RBFOX1: variants seen among roughly 807,000 people sequenced by gnomAD.
The protein encoded by RBFOX1 is RNA binding fox-1 homolog 1, also known as RNA binding protein fox-1 homolog 1.
In RBFOX1, 8 loss-of-function variants were observed where a neutral mutation model predicts 57.7. The observed-to-expected ratio is 0.14, with a 90% CI of 0.08 to 0.25. The LOEUF (loss-of-function observed/expected upper bound fraction) is 0.25, where lower values mean the gene tolerates loss of function less well. Ranked by LOEUF, RBFOX1 falls within the 10% of genes least tolerant of loss-of-function variation. The probability of loss-of-function intolerance (pLI) is 1.00; values close to 1 mark genes in which losing one functional copy is unlikely to be tolerated. For synonymous variants in RBFOX1, 326 were observed against 222.4 expected (o/e 1.47, Z -4.15); for missense variants, 611 against 548.5 (o/e 1.11, Z -1.14).
intron 2 of RBFOX1, among the ~76,000 whole-genome samples, chr16:6,626,684 C>T (rs769087816): frequency 9.2e-5 from 14 of 151,902 alleles, no homozygotes; most frequent in Non-Finnish European, 1.3e-4. Flanking sequence ...TGCTTGAACC[C>T]GGGAGACAGA....
intron 2 of RBFOX1, among the ~76,000 whole-genome samples, chr16:6,510,572 T>A (rs1299479329): frequency 6.6e-6 from 1 of 152,180 alleles, no homozygotes; most frequent in Non-Finnish European, 1.5e-5. Flanking sequence ...TTGGATTCCA[T>A]GTGATGGAGA....
chr16:6,599,284 C>A (rs1459745826), intron 2 of RBFOX1, among the ~76,000 whole-genome samples: 1 of 152,092 alleles, frequency 6.6e-6, no homozygotes, highest in African/African-American at 2.4e-5. Context: ...TAAAGCAAAA[C>A]CACATCTCTG....
chr16:7,597,518 G>A (rs2152958840), intron 9 of RBFOX1, 87 bp downstream of exon 9: 4 of 1,220,178 alleles, frequency 3.3e-6, no homozygotes, highest in South Asian at 1.4e-5. Context: ...ACAACAAGCT[G>A]TGTTTGCCTG....
intron 3 of RBFOX1, among the ~76,000 whole-genome samples, chr16:5,660,377 T>G (rs2049605800): frequency 6.6e-6 from 1 of 152,176 alleles, no homozygotes; most frequent in South Asian, 2.1e-4. Flanking sequence ...CCGGTGACTA[T>G]GAAGGGGTCT....
At chr16:7,272,435 C>G (rs2095341888) in intron 4 of RBFOX1, among the ~76,000 whole-genome samples, 1 of 152,186 alleles carries the variant, frequency 6.6e-6, no homozygotes, top group Admixed American at 6.5e-5. Flanking sequence ...CCACCTGCCT[C>G]AGTATCCCAA....
intron 4 of RBFOX1, among the ~76,000 whole-genome samples, chr16:7,272,773 T>G (rs1018765428): frequency 6.6e-6 from 1 of 152,126 alleles, no homozygotes; most frequent in African/African-American, 2.4e-5. Flanking sequence ...AGCATTCTCT[T>G]GCTTTGTATT....
At chr16:7,153,620 G>A (rs1309728397) in intron 4 of RBFOX1, among the ~76,000 whole-genome samples, 1 of 151,430 alleles carries the variant, frequency 6.6e-6, no homozygotes, top group Non-Finnish European at 1.5e-5. Context: ...GGGGGAGGGG[G>A]GCGCCTATAA....
chr16:6,188,338 A>C (rs767384131), intron 1 of RBFOX1, among the ~76,000 whole-genome samples: 81 of 152,092 alleles, frequency 5.3e-4, no homozygotes, highest in Non-Finnish European at 8.8e-4. Context: ...ATGAGAAAAA[A>C]AAAAATTTTC....
At chr16:5,790,735 G>T (rs373813557) in intron 3 of RBFOX1, among the ~76,000 whole-genome samples, 232 of 152,254 alleles carry the variant, frequency 1.5e-3, no homozygotes, top group African/African-American at 5.5e-3. Context: ...TGGAATGCCT[G>T]GTGCTGGGTG....
intron 3 of RBFOX1, among the ~76,000 whole-genome samples, chr16:6,682,669 C>G (rs28735258): frequency 2.4e-4 from 36 of 152,008 alleles, no homozygotes; most frequent in African/African-American, 8.0e-4. Context: ...AAAAATGACT[C>G]TAGATGCCGC....
At chr16:6,868,015 T>C (rs2142999108) in intron 3 of RBFOX1, among the ~76,000 whole-genome samples, 1 of 152,348 alleles carries the variant, frequency 6.6e-6, no homozygotes, top group East Asian at 1.9e-4. Context: ...GAAACTACTA[T>C]ACTTCAGTTA....
At chr16:7,507,133 A>G (rs958540798) in intron 4 of RBFOX1, among the ~76,000 whole-genome samples, 1 of 152,204 alleles carries the variant, frequency 6.6e-6, no homozygotes, top group Admixed American at 6.5e-5. Context: ...ATGCCTCAAT[A>G]TTTGACTTTG....
intron 3 of RBFOX1, among the ~76,000 whole-genome samples, chr16:6,886,684 G>A (rs1241697242): frequency 2.0e-5 from 3 of 151,764 alleles, no homozygotes; most frequent in African/African-American, 4.8e-5. Flanking sequence ...GAACCCAGCA[G>A]GCAGAGGTTG....
chr16:5,969,462 C>G (rs2059919184), intron 4 of RBFOX1, among the ~76,000 whole-genome samples: 1 of 149,308 alleles, frequency 6.7e-6, no homozygotes, highest in African/African-American at 2.5e-5. Context: ...CAGGCACATG[C>G]CATCACGCCT....
intron 11 of RBFOX1, among the ~76,000 whole-genome samples, chr16:7,647,253 A>G (rs569451238): frequency 1.3e-5 from 2 of 152,338 alleles, no homozygotes; most frequent in Non-Finnish European, 2.9e-5. Context: ...TGTGTCAACA[A>G]GATGCTCAAT....
intron 2 of RBFOX1, among the ~76,000 whole-genome samples, chr16:6,529,149 C>T: frequency 6.6e-6 from 1 of 152,130 alleles, no homozygotes; most frequent in Non-Finnish European, 1.5e-5. Flanking sequence ...ATCTGTTACC[C>T]AATCTATATA....
intron 4 of RBFOX1, among the ~76,000 whole-genome samples, chr16:7,069,841 A>G (rs975286293): frequency 2.0e-5 from 3 of 152,158 alleles, no homozygotes; most frequent in Non-Finnish European, 4.4e-5. Context: ...TCCATTCCCC[A>G]TTGATGTTCC....
chr16:6,579,915 T>C (rs989299986), intron 2 of RBFOX1, among the ~76,000 whole-genome samples: 5 of 152,104 alleles, frequency 3.3e-5, no homozygotes, highest in African/African-American at 1.2e-4. Context: ...GTATACATAT[T>C]CTATGTATAG....
At chr16:7,064,222 G>C (rs2153750789) in intron 4 of RBFOX1, among the ~76,000 whole-genome samples, 1 of 137,712 alleles carries the variant, frequency 7.3e-6, no homozygotes, top group Admixed American at 8.1e-5. Flanking sequence ...AGGCTGGAGT[G>C]CAGTGGCGTG....
Sources: allele counts gnomAD v4.1 joint callset (sites outside exome capture counted in the v4.1 genomes callset), GRCh38; gene constraint gnomAD v4.1.1; transcripts MANE v1.5; gene names NCBI Gene and HGNC (gene_info 2026-07-23, HGNC 2026-07-21).